Variants in LHX3 observed in about 807,000 individuals in gnomAD.
LHX3 encodes LIM/homeobox protein Lhx3.
A neutral mutation model predicts 32.4 loss-of-function variants in LHX3; 21 were observed. The ratio of observed to expected loss-of-function variants is 0.65; its 90% CI spans 0.46 to 0.93. The LOEUF (loss-of-function observed/expected upper bound fraction) is 0.93. LHX3 is among the 40% of genes least tolerant of loss of function. The probability of loss-of-function intolerance (pLI) is 0.00; values close to 1 mark genes in which losing one functional copy is unlikely to be tolerated. For synonymous variants in LHX3, 258 were observed against 246.8 expected (o/e 1.05, Z -0.43); for missense variants, 626 against 560.0 (o/e 1.12, Z -1.19).
chr9:136,204,996 C>G lies in LHX3; in HGVS notation c.17G>C (p.Gly6Ala). The change falls in exon 1 of 6, where the codon GGG becomes GCG. Residue 6 changes from glycine (G) to alanine (A), a missense_variant. Gly to Ala is a moderately conservative substitution (Grantham distance 60). Coordinates refer to ENST00000371748, the MANE Select transcript of LHX3 (RefSeq NM_178138.6). ...GGGCCTCGCTCGGTCGCGCTCGAGC[C>G]CCGTTTCCAGCAGCATCGCGGCCAC... MLLET[G>A]LERDRARPGA... 2 of 1,590,830 alleles carry G rather than the reference C, an allele frequency of 1.3e-6. No homozygotes were observed. The highest frequency in any genetic ancestry group is 1.1e-5 in the South Asian group (1 of 88,964).
In LHX3 at chr9:136,202,952, G is replaced by C; in HGVS notation, c.79+1982C>G. ...ACTCGGCCCGGGCACCCACCTCGGC[G>C]CAGGTCCGCCCTCCGCGCCAGCAGT... On this transcript the variant is annotated intron_variant, in intron 1 of 5. Transcript: ENST00000371748. 5 of 1,532,248 alleles carry C rather than the reference G, an allele frequency of 3.3e-6. No individual in the cohort carries two copies. The South Asian group carries it at 4.8e-5, about 15-fold the overall frequency. The allele number at this position is 1,532,248 out of a possible 1,614,324, so 94.9% of individuals were successfully genotyped here.
chr9:136,196,813 A>G lies in LHX3; in HGVS notation c.*512T>C, dbSNP rs1831500143. On this transcript the variant is annotated 3_prime_UTR_variant, in exon 6 of 6. Coordinates refer to ENST00000371748, the MANE Select transcript of LHX3 (RefSeq NM_178138.6). ...GAGAGGAGGGGGCCTCTCCCGGAGG[A>G]CACAGGTGTGTCCCCGCCTCTGCAG... 6.2e-6 allele frequency: 1 copy of G among 160,918 alleles called. No homozygotes were observed. Among genetic ancestry groups the G allele is most frequent in the Admixed American group, 6.1e-5 (1 of 16,302 alleles). 10.0% of individuals were successfully genotyped at this position (160,918 alleles called of 1,614,324 possible). A position where few individuals can be genotyped will look rare whatever the true frequency, so the allele number is the denominator to read the frequency against.
chr9:136,201,038 ACTC>A (rs1164961498), intron 1 of LHX3: 2 of 1,035,248 alleles, frequency 1.9e-6, no homozygotes, highest in Non-Finnish European at 2.7e-6. Context: ...GAGGCTGAAT[ACTC>A]AATTACAAAA....
chr9:136,205,035 G>A lies in LHX3; in HGVS notation c.-23C>T. On this transcript the variant is annotated 5_prime_UTR_variant, in exon 1 of 6. Coordinates refer to ENST00000371748, the MANE Select transcript of LHX3 (RefSeq NM_178138.6). The stretch of plus-strand genomic sequence containing the variant: ...CATCGCGGCCACCAGGCCGAGTGGC[G>A]CGAGACGCGCTCCTCCTAGGTCAGC... The A allele has an allele frequency of 6.4e-7, 1 of 1,557,304 alleles. No individual in the cohort carries two copies. The highest frequency in any genetic ancestry group is 8.7e-7 in the Non-Finnish European group (1 of 1,155,964).
At position 136,197,537 on chromosome 9, in the gene LHX3, G is replaced by A; in HGVS notation, c.982C>T (p.Pro328Ser). The change falls in exon 6 of 6, where the codon CCT becomes TCT. Residue 328 changes from proline (P) to serine (S), a missense_variant. Physicochemically the swap from Pro to Ser is moderately conservative, Grantham distance 74. Transcript: ENST00000371748. ...PPSPAAPQSL[P>S]GPQPLLSSLV... ...CTGGAGAGGAGGGGCTGGGGGCCAG[G>A]GAGGCTCTGCGGGGCGGCGGGGGAT... 6.5e-7 allele frequency: 1 copy of A among 1,532,586 alleles called. No individual in the cohort carries two copies. Among genetic ancestry groups the A allele is most frequent in the Non-Finnish European group, 8.8e-7 (1 of 1,135,970 alleles). The allele number at this position is 1,532,586 out of a possible 1,614,324, so 94.9% of individuals were successfully genotyped here. A position where few individuals can be genotyped will look rare whatever the true frequency, so the allele number is the denominator to read the frequency against.
chr9:136,200,043 C>T (rs1182805220), intron 2 of LHX3, 163 bp from the exon 3 acceptor site: 3 of 739,258 alleles, frequency 4.1e-6, no homozygotes, highest in Non-Finnish European at 7.1e-6. Context: ...GCAGAGCTGC[C>T]CACTCCCACT....
At chr9:136,200,395 G>T (rs1831610994) in intron 2 of LHX3, 187 bp downstream of exon 2, 1 of 643,824 alleles carries the variant, frequency 1.6e-6, no homozygotes, top group African/African-American at 1.8e-5. Flanking sequence ...CACCCAGGGA[G>T]CACCCATGGA....
In LHX3 at chr9:136,200,645, G is replaced by T; in HGVS notation, c.188C>A (p.Thr63Lys). Residue 63 changes from threonine (T) to lysine (K), a missense_variant, in exon 2 of 6, where the codon ACG becomes AAG. Transcript: ENST00000371748. ...GCTGAAGCAGCGCTCGGCCAGTGGC[G>T]TGTGGCAGTCGCTGCACTTGAGACA... ...SKCLKCSDCH[T>K]PLAERCFSRG... 6.8e-6 allele frequency: 11 copies of T among 1,613,608 alleles called. No homozygotes were observed. Among genetic ancestry groups the T allele is most frequent in the Non-Finnish European group, 8.5e-6 (10 of 1,180,036 alleles).
rs1259829638 is a variant in LHX3, at chr9:136,196,300, G to C, written c.*1025C>G. On this transcript the variant is annotated 3_prime_UTR_variant, in exon 6 of 6. Coordinates refer to ENST00000371748, the MANE Select transcript of LHX3 (RefSeq NM_178138.6). ...AAGTCTTGGAAAGAGCTGATCACCCGAGAATAAATAAAAGACACAGAACAT... is the reference window on the plus strand; with the variant it reads ...AAGTCTTGGAAAGAGCTGATCACCCCAGAATAAATAAAAGACACAGAACAT... 6.6e-6 allele frequency: 1 copy of C among 152,382 alleles called. No homozygotes were observed. Among genetic ancestry groups the C allele is most frequent in the African/African-American group, 2.4e-5 (1 of 41,464 alleles). 9.4% of individuals were successfully genotyped at this position (152,382 alleles called of 1,614,324 possible).
chr9:136,198,953 G>C lies in LHX3; in HGVS notation c.561C>G (p.Arg187=). ...GGCCCGTCTCGGACGAGAGCTGCTCGCGCACGTGGCGCGCCGGCTTGGGCG... is the reference window on the plus strand; with the variant it reads ...GGCCCGTCTCGGACGAGAGCTGCTCCCGCACGTGGCGCGCCGGCTTGGGCG... The part of the protein sequence containing the change: ...NTSPKPARHV[R]EQLSSETGLD... The change falls in exon 4 of 6, where the codon CGC becomes CGG. Residue 187 remains arginine (R), a synonymous_variant. Transcript: ENST00000371748. 2 of 1,587,238 alleles carry C rather than the reference G, an allele frequency of 1.3e-6. No homozygotes were observed. Among genetic ancestry groups the C allele is most frequent in the African/African-American group, 1.4e-5 (1 of 73,544 alleles).
intron 5 of LHX3, among the ~76,000 whole-genome samples, chr9:136,198,123 G>T (rs1165012377): frequency 6.6e-6 from 1 of 152,192 alleles, no homozygotes; most frequent in Non-Finnish European, 1.5e-5. Flanking sequence ...CAGCCCAAAA[G>T]AGAGTGTCTT....
intron 5 of LHX3, among the ~76,000 whole-genome samples, chr9:136,198,166 G>A (rs1831542654): frequency 6.6e-6 from 1 of 152,308 alleles, no homozygotes; most frequent in South Asian, 2.1e-4. Flanking sequence ...TCAACAGATG[G>A]GGACGCAGCA....
chr9:136,201,437 ACC>A (rs1831637729), intron 1 of LHX3: 22 of 1,222,526 alleles, frequency 1.8e-5, no homozygotes, highest in Non-Finnish European at 2.0e-5. Context: ...TGCCCCCCAC[ACC>A]CCACTTCGGT....
chr9:136,201,344 A>G (rs1262411045), intron 1 of LHX3: 2 of 1,246,598 alleles, frequency 1.6e-6, no homozygotes, highest in African/African-American at 3.1e-5. Flanking sequence ...TGGACTGGAC[A>G]AGCCGATCCA....
rs541260757 is a variant in LHX3, at chr9:136,203,625, C to G, written c.79+1309G>C. Reference sequence around the variant, plus strand: ...GTACCGGAACCGCAAGGTGCCGGACCGATCCCAGATGCTAACAGGCTTCTG... The same window carrying G: ...GTACCGGAACCGCAAGGTGCCGGACGGATCCCAGATGCTAACAGGCTTCTG... On this transcript the variant is annotated intron_variant, in intron 1 of 5. Coordinates refer to ENST00000371748, the MANE Select transcript of LHX3 (RefSeq NM_178138.6). 2.4e-3 allele frequency among the ~76,000 whole-genome samples: 363 copies of G among 152,344 alleles called. 1 individual carries two copies. Among genetic ancestry groups the G allele is most frequent in the Admixed American group, 4.3e-3 (66 of 15,312 alleles).
rs60275143 is a variant in LHX3 at position 136,200,349 on chromosome 9, C to G, written c.251+233G>C. ...TTAGGTAATAAATTGCTTTTTTTTC[C>G]AAATAATACTTGCTGATGTCCCAGC... On this transcript the variant is annotated intron_variant, in intron 2 of 5. Coordinates refer to ENST00000371748, the MANE Select transcript of LHX3 (RefSeq NM_178138.6). 0.03 allele frequency: 17,875 copies of G among 591,602 alleles called. 491 individuals carry two copies. Among genetic ancestry groups the G allele is most frequent in the African/African-American group, 0.11 (5,811 of 53,748 alleles). The allele number at this position is 591,602 out of a possible 1,614,324, so 36.6% of individuals were successfully genotyped here. A position where few individuals can be genotyped will look rare whatever the true frequency, so the allele number is the denominator to read the frequency against.
At chr9:136,197,777 CCCT>C in intron 5 of LHX3, 34 bp from the exon 6 acceptor site, 1 of 1,595,522 alleles carries the variant, frequency 6.3e-7, no homozygotes, top group Non-Finnish European at 8.5e-7. Flanking sequence ...TCAGCGCCTG[CCCT>C]CCACCTGCGG....
At chr9:136,202,630 C>T (rs959739195) in intron 1 of LHX3, among the ~76,000 whole-genome samples, 1 of 152,136 alleles carries the variant, frequency 6.6e-6, no homozygotes, top group African/African-American at 2.4e-5. Flanking sequence ...TGGTCACTGC[C>T]CCGCCACTGC....
intron 1 of LHX3, chr9:136,201,630 G>A (rs946576283): frequency 1.0e-6 from 1 of 996,008 alleles, no homozygotes; most frequent in African/African-American, 1.7e-5. Context: ...TATTGCACCC[G>A]CCTCCCTGGC....
Sources: gnomAD v4.1 joint callset for allele counts (sites outside exome capture counted in the v4.1 genomes callset) on GRCh38, gnomAD v4.1.1 for gene constraint, MANE v1.5 for transcripts, NCBI Gene and HGNC (gene_info 2026-07-23, HGNC 2026-07-21) for gene names.